Variants in FMN2 observed in about 807,000 individuals in gnomAD.
FMN2 encodes the protein formin-2.
Under a neutral mutation model 142.3 loss-of-function variants are expected in FMN2, and 51 were observed. The observed-to-expected ratio is 0.36, with a 90% CI of 0.29 to 0.45. The LOEUF (loss-of-function observed/expected upper bound fraction) is 0.45, where lower values mean the gene tolerates loss of function less well. FMN2 is among the 20% of genes least tolerant of loss of function. The pLI is 1.00. For synonymous variants in FMN2, 882 were observed against 869.8 expected (o/e 1.01, Z -0.25); for missense variants, 1,936 against 2,122.8 (o/e 0.91, Z 1.73).
At chr1:240,334,077 C>T in intron 12 of FMN2, 32 bp from the exon 13 acceptor site, 1 of 1,574,082 alleles carries the variant, frequency 6.4e-7, no homozygotes, top group Non-Finnish European at 8.6e-7. Context: ...TAACCAATTT[C>T]TTTAAATATG....
At chr1:240,197,185 C>T (rs1457376499) in intron 4 of FMN2, among the ~76,000 whole-genome samples, 5 of 152,110 alleles carry the variant, frequency 3.3e-5, no homozygotes, top group East Asian at 3.9e-4. Context: ...GTTAATCGCA[C>T]CTACATCATG....
intron 14 of FMN2, among the ~76,000 whole-genome samples, chr1:240,362,569 C>G (rs921151368): frequency 6.6e-6 from 1 of 151,994 alleles, no homozygotes; most frequent in Admixed American, 6.6e-5. Flanking sequence ...AGTATACACA[C>G]AAAAAACATA....
chr1:240,106,454 A>C (rs1661612840), intron 1 of FMN2, among the ~76,000 whole-genome samples: 1 of 152,162 alleles, frequency 6.6e-6, no homozygotes, highest in African/African-American at 2.4e-5. Context: ...AACTGAACTC[A>C]TCTTTTCTCC....
At chr1:240,114,652 A>ATTTGTTTTTTTTTTTTTTTT (rs749819049) in intron 1 of FMN2, among the ~76,000 whole-genome samples, 1 of 137,778 alleles carries the variant, frequency 7.3e-6, no homozygotes. Context: ...TAATTATATC[A>ATTTGTTTTTTTTTTTTTTTT]TTTCTTTTTT....
At chr1:240,209,759 C>A (rs1431217364) in intron 5 of FMN2, among the ~76,000 whole-genome samples, 1 of 151,432 alleles carries the variant, frequency 6.6e-6, no homozygotes, top group Non-Finnish European at 1.5e-5. Flanking sequence ...AAAAAATTAG[C>A]CGGGCGAGGT....
chr1:240,461,149 T>C (rs1046552206), intron 16 of FMN2, among the ~76,000 whole-genome samples: 5 of 152,176 alleles, frequency 3.3e-5, no homozygotes, highest in African/African-American at 1.2e-4. Context: ...TGTGTGTGCA[T>C]TGTGAGAGAA....
At chr1:240,242,371 T>G (rs1249242317) in intron 6 of FMN2, among the ~76,000 whole-genome samples, 1 of 152,220 alleles carries the variant, frequency 6.6e-6, no homozygotes, top group African/African-American at 2.4e-5. Flanking sequence ...AGTTTTTACT[T>G]GGTGGGAAGA....
chr1:240,311,655 T>A (rs1411811778), intron 8 of FMN2, among the ~76,000 whole-genome samples: 1 of 152,222 alleles, frequency 6.6e-6, no homozygotes, highest in East Asian at 1.9e-4. Context: ...TGACACTGCC[T>A]GTCACATCAT....
chr1:240,436,304 AT>A (rs926848717), intron 15 of FMN2, among the ~76,000 whole-genome samples: 4 of 152,196 alleles, frequency 2.6e-5, no homozygotes, highest in African/African-American at 9.7e-5. Flanking sequence ...CACACATTTG[AT>A]TAAATCAGTC....
intron 8 of FMN2, among the ~76,000 whole-genome samples, chr1:240,303,650 A>T (rs544377222): frequency 6.6e-6 from 1 of 152,202 alleles, no homozygotes; most frequent in East Asian, 1.9e-4. Context: ...GGCTCTTTGG[A>T]TTAACATCAT....
chr1:240,319,497 A>G (rs974007579), intron 8 of FMN2, among the ~76,000 whole-genome samples: 1 of 152,224 alleles, frequency 6.6e-6, no homozygotes, highest in Non-Finnish European at 1.5e-5. Context: ...AGTATTTCCA[A>G]CAGCATAATT....
chr1:240,338,511 G>A (rs186508567), intron 13 of FMN2, among the ~76,000 whole-genome samples: 2 of 152,142 alleles, frequency 1.3e-5, no homozygotes, highest in African/African-American at 4.8e-5. Flanking sequence ...AAAATATTAA[G>A]TGGAAAATTT....
At chr1:240,333,660 T>C (rs1015971939) in intron 11 of FMN2, among the ~76,000 whole-genome samples, 1 of 152,118 alleles carries the variant, frequency 6.6e-6, no homozygotes, top group African/African-American at 2.4e-5. Context: ...CAGTTCAGAC[T>C]TTGCCCCTAA....
chr1:240,145,172 G>T, intron 2 of FMN2: 1 of 1,460,250 alleles, frequency 6.8e-7, no homozygotes, highest in Non-Finnish European at 9.6e-7. Flanking sequence ...ATACAGGGAT[G>T]TGTCCTTCTC....
intron 2 of FMN2, among the ~76,000 whole-genome samples, chr1:240,155,092 T>C (rs1663966244): frequency 6.6e-6 from 1 of 151,874 alleles, no homozygotes; most frequent in Non-Finnish European, 1.5e-5. Context: ...GGTTTCATCA[T>C]GTTGCCCAGG....
intron 4 of FMN2, among the ~76,000 whole-genome samples, chr1:240,189,879 CTT>C (rs11297113): frequency 6.6e-6 from 1 of 151,904 alleles, no homozygotes; most frequent in Non-Finnish European, 1.5e-5. Flanking sequence ...CTTTTTAAGC[CTT>C]TTTTTTGGTG....
rs189200117 is a variant in FMN2, at chr1:240,143,317, A to G, written c.1782+19972A>G. ...AGAGATGAGGGCCAGTGCTAAAGGTACAGCCCTCCGGAGTGCAGGCTCCCC... is the reference window on the plus strand; with the variant it reads ...AGAGATGAGGGCCAGTGCTAAAGGTGCAGCCCTCCGGAGTGCAGGCTCCCC... On this transcript the variant is annotated intron_variant, in intron 2 of 17. Coordinates refer to ENST00000319653, the MANE Select transcript of FMN2 (RefSeq NM_020066.5). 2.0e-6 allele frequency: 3 copies of G among 1,511,740 alleles called. No homozygotes were observed. The East Asian group carries it at 6.8e-5, about 34-fold the overall frequency. 93.6% of individuals were successfully genotyped at this position (1,511,740 alleles called of 1,614,324 possible).
intron 16 of FMN2, among the ~76,000 whole-genome samples, chr1:240,450,594 G>A (rs1163176555): frequency 6.6e-6 from 1 of 152,162 alleles, no homozygotes; most frequent in Non-Finnish European, 1.5e-5. Flanking sequence ...GATTATAGAG[G>A]TCGCTCCCTT....
chr1:240,340,507 G>A (rs1031813614), intron 13 of FMN2, among the ~76,000 whole-genome samples: 2 of 152,120 alleles, frequency 1.3e-5, no homozygotes, highest in South Asian at 4.1e-4. Context: ...CTTGAACCTG[G>A]AAGGCAGAGT....
Sources: allele counts gnomAD v4.1 joint callset (sites outside exome capture counted in the v4.1 genomes callset), GRCh38; gene constraint gnomAD v4.1.1; transcripts MANE v1.5; gene names NCBI Gene and HGNC (gene_info 2026-07-23, HGNC 2026-07-21).